RAPGEF4: variants seen among roughly 807,000 people sequenced by gnomAD.
RAPGEF4 encodes the protein Rap guanine nucleotide exchange factor 4, also known as RAP guanine-nucleotide-exchange factor (GEF) 4.
Under a neutral mutation model 147.9 loss-of-function variants are expected in RAPGEF4, and 66 were observed. The ratio of observed to expected loss-of-function variants is 0.45; its 90% CI spans 0.37 to 0.55. RAPGEF4 has a LOEUF of 0.55. Ranked by LOEUF, RAPGEF4 falls within the 20% of genes least tolerant of loss-of-function variation. The probability of loss-of-function intolerance (pLI) is 0.00; values close to 1 mark genes in which losing one functional copy is unlikely to be tolerated. For synonymous variants in RAPGEF4, 419 were observed against 442.7 expected (o/e 0.95, Z 0.67); for missense variants, 1,071 against 1,257.3 (o/e 0.85, Z 2.24).
At chr2:173,000,689 G>C (rs1693806456) in intron 16 of RAPGEF4, among the ~76,000 whole-genome samples, 1 of 149,232 alleles carries the variant, frequency 6.7e-6, no homozygotes, top group Admixed American at 6.6e-5. Context: ...GTTAGCCTTT[G>C]TTTTGCTCTA....
At chr2:172,968,075 A>G (rs3769247) in intron 10 of RAPGEF4, among the ~76,000 whole-genome samples, 51,220 of 152,100 alleles carry the variant, frequency 0.34, 9,006 homozygotes, top group East Asian at 0.45. Context: ...ATCCACTCAG[A>G]AAGAATGTAT....
intron 4 of RAPGEF4, among the ~76,000 whole-genome samples, chr2:172,914,284 G>A (rs148536732): frequency 6.7e-6 from 1 of 148,506 alleles, no homozygotes; most frequent in Admixed American, 6.7e-5. Context: ...TCTGCCCTCT[G>A]AGGGAGGTTC....
rs34104170 is a variant in RAPGEF4, at chr2:172,937,037, C to CAAAAAA, written c.537+14755_537+14760dup. ...CAACACAGTGAGACTCCTCTCTCTG[C>CAAAAAA]AAAAAAAAAAAAAAAAAAAAAAAGT... On this transcript the variant is annotated intron_variant, in intron 6 of 30. Coordinates refer to ENST00000397081, the MANE Select transcript of RAPGEF4 (RefSeq NM_007023.4). 5.7e-4 allele frequency among the ~76,000 whole-genome samples: 30 copies of CAAAAAA among 52,582 alleles called. 1 individual carries two copies. Among genetic ancestry groups the CAAAAAA allele is most frequent in the South Asian group, 8.0e-4 (1 of 1,254 alleles). The allele number at this position is 52,582 out of a possible 152,430, so 34.5% of individuals were successfully genotyped here. A position where few individuals can be genotyped will look rare whatever the true frequency, so the allele number is the denominator to read the frequency against.
At chr2:172,990,729 T>C in intron 14 of RAPGEF4, 81 bp from the exon 15 acceptor site, 1 of 918,726 alleles carries the variant, frequency 1.1e-6, no homozygotes, top group South Asian at 1.5e-5. Flanking sequence ...AAGCACCAAA[T>C]GAGTTTCTGA....
At chr2:172,823,247 C>T (rs967270737) in intron 4 of RAPGEF4, among the ~76,000 whole-genome samples, 1 of 152,114 alleles carries the variant, frequency 6.6e-6, no homozygotes, top group Non-Finnish European at 1.5e-5. Context: ...CAGCCTTGTT[C>T]CGAGGGACTG....
intron 1 of RAPGEF4, among the ~76,000 whole-genome samples, chr2:172,747,562 C>T (rs1346896929): frequency 1.3e-5 from 2 of 152,144 alleles, no homozygotes; most frequent in East Asian, 3.9e-4. Context: ...GAATTCCTGG[C>T]TCAAGCGATC....
Position 173,017,160 on chromosome 2 carries a change from T to C in RAPGEF4, c.1899-14T>C. The C allele has an allele frequency of 1.2e-6, 2 of 1,612,108 alleles. No homozygotes were observed. Among genetic ancestry groups the C allele is most frequent in the Non-Finnish European group, 1.7e-6 (2 of 1,178,148 alleles). On this transcript the variant is annotated splice_polypyrimidine_tract_variant and intron_variant, in intron 19 of 30. Transcript: ENST00000397081. ...CAATGGTATTAAATAATGTGCTTTC[T>C]CTACTTCTCGTAGCTCAGAAGATGC... is the stretch of plus-strand genomic sequence containing the variant.
intron 9 of RAPGEF4, among the ~76,000 whole-genome samples, chr2:172,966,886 A>C (rs1235331366): frequency 1.3e-5 from 2 of 152,246 alleles, no homozygotes; most frequent in Non-Finnish European, 2.9e-5. Context: ...TACTTTCCAA[A>C]GCTGTGACAG....
intron 11 of RAPGEF4, among the ~76,000 whole-genome samples, chr2:172,985,219 A>G (rs1692116460): frequency 6.6e-6 from 1 of 152,216 alleles, no homozygotes; most frequent in African/African-American, 2.4e-5. Context: ...TGAATTAGCT[A>G]TAAGCTATTC....
chr2:172,845,761 T>C (rs940352466), intron 4 of RAPGEF4, among the ~76,000 whole-genome samples: 109 of 152,360 alleles, frequency 7.2e-4, no homozygotes, highest in African/African-American at 2.5e-3. Flanking sequence ...ATTCGCAATG[T>C]GGTGCAACCA....
intron 6 of RAPGEF4, among the ~76,000 whole-genome samples, chr2:172,937,310 C>T (rs1291748003): frequency 6.6e-6 from 1 of 152,096 alleles, no homozygotes; most frequent in African/African-American, 2.4e-5. Flanking sequence ...ATCCAGGACA[C>T]CACCTCACAT....
At chr2:172,862,900 C>T (rs1575071352) in intron 4 of RAPGEF4, among the ~76,000 whole-genome samples, 1 of 152,076 alleles carries the variant, frequency 6.6e-6, no homozygotes, top group Admixed American at 6.6e-5. Context: ...TCATTTACCC[C>T]GTGGACTGAG....
At chr2:173,005,708 A>G (rs932187204) in intron 17 of RAPGEF4, among the ~76,000 whole-genome samples, 5 of 151,812 alleles carry the variant, frequency 3.3e-5, no homozygotes, top group African/African-American at 1.2e-4. Context: ...TTTTTAGTAG[A>G]GATGGAGTTT....
intron 4 of RAPGEF4, among the ~76,000 whole-genome samples, chr2:172,881,208 A>C (rs1437595686): frequency 6.6e-6 from 1 of 152,150 alleles, no homozygotes; most frequent in Admixed American, 6.5e-5. Context: ...TTCAATTCTT[A>C]CTAAGCTCCA....
chr2:172,936,388 A>G (rs1422682439), intron 6 of RAPGEF4, among the ~76,000 whole-genome samples: 1 of 152,194 alleles, frequency 6.6e-6, no homozygotes, highest in African/African-American at 2.4e-5. Context: ...ACTTCTGTAA[A>G]TGCTACCTCC....
chr2:172,944,246 G>A (rs1052172249), intron 6 of RAPGEF4, among the ~76,000 whole-genome samples: 2 of 152,178 alleles, frequency 1.3e-5, no homozygotes, highest in African/African-American at 4.8e-5. Context: ...GAAACTGACA[G>A]GTCTCAATAA....
At chr2:172,743,215 G>C (rs1168011892) in intron 1 of RAPGEF4, among the ~76,000 whole-genome samples, 1 of 152,198 alleles carries the variant, frequency 6.6e-6, no homozygotes, top group Non-Finnish European at 1.5e-5. Context: ...GGAGTACTGA[G>C]AGACTGAGGA....
intron 4 of RAPGEF4, among the ~76,000 whole-genome samples, chr2:172,915,740 A>AAAATAATT (rs1353191765): frequency 6.7e-6 from 1 of 149,856 alleles, no homozygotes; most frequent in Non-Finnish European, 1.5e-5. Flanking sequence ...GTTTTGCTTC[A>AAAATAATT]AAATAATTCT....
intron 4 of RAPGEF4, among the ~76,000 whole-genome samples, chr2:172,903,985 CAAAAACA>C: frequency 6.6e-6 from 1 of 152,068 alleles, no homozygotes; most frequent in Non-Finnish European, 1.5e-5. Flanking sequence ...GGCGAGAAAG[CAAAAACA>C]AGATGATGGT....
Sources: gnomAD v4.1 joint callset for allele counts (sites outside exome capture counted in the v4.1 genomes callset) on GRCh38, gnomAD v4.1.1 for gene constraint, MANE v1.5 for transcripts, NCBI Gene and HGNC (gene_info 2026-07-23, HGNC 2026-07-21) for gene names.